SH3TC2: variants seen among roughly 807,000 people sequenced by gnomAD.
SH3TC2 encodes the protein SH3 domain and tetratricopeptide repeat-containing protein 2.
A neutral mutation model predicts 124.5 loss-of-function variants in SH3TC2; 87 were observed. That is an observed-to-expected ratio of 0.70 (90% confidence interval 0.59 to 0.84). The LOEUF is 0.84. Among genes scored for constraint, SH3TC2 ranks in the 40% least tolerant of loss-of-function variants. SH3TC2 has a pLI of 0.00. For missense variants in SH3TC2, 1,536 were observed against 1,566.4 expected (o/e 0.98, Z 0.33); for synonymous variants, 634 against 628.5 (o/e 1.01, Z -0.13).
At position 148,989,476 on chromosome 5, in the gene SH3TC2, T is replaced by A. The variant is rs145210501; in HGVS notation, c.*15235A>T. On this transcript the variant is annotated 3_prime_UTR_variant, in exon 17 of 17. Transcript: ENST00000515425. ...AATTCATTCACATCCAGAAATCACA[T>A]TGTAGTTGTTGAATCCTTTGGCAGG... Among the ~76,000 whole-genome samples, 3 of 152,178 alleles carry A rather than the reference T, an allele frequency of 2.0e-5. No homozygotes were observed. Among genetic ancestry groups the A allele is most frequent in the Non-Finnish European group, 4.4e-5 (3 of 68,036 alleles).
rs929054900 is a variant in SH3TC2 at position 148,986,850 on chromosome 5, G to C, written c.*17861C>G. Among the ~76,000 whole-genome samples, 1 of 152,118 alleles carries C rather than the reference G, an allele frequency of 6.6e-6. No homozygotes were observed. The highest frequency in any genetic ancestry group is 1.5e-5 in the Non-Finnish European group (1 of 68,026). ...GGACACGTTGTATAAACAGCATCAA[G>C]TGTTAACTTGTTAAAACAGTTACAC... On this transcript the variant is annotated 3_prime_UTR_variant, in exon 17 of 17. Transcript: ENST00000515425.
Position 149,041,417 on chromosome 5 carries a change from G to A in SH3TC2, c.730C>T (p.Gln244Ter), listed in dbSNP as rs1463786931. ...ALEPLPLPFH[Q>*]WFLKNYPGSC... ...CCCAGGAGGCAGATGGCTACTCACT[G>A]GTGGAAAGGGAGAGGCAGAGGCTCC... Residue 244 changes from glutamine to a stop codon, truncating the protein, a stop_gained and splice_region_variant, in exon 6 of 17, where the codon CAG becomes TAG. Coordinates refer to ENST00000515425, the MANE Select transcript of SH3TC2 (RefSeq NM_024577.4). LOFTEE classifies it high-confidence loss of function. 2 of 1,612,444 alleles carry A rather than the reference G, an allele frequency of 1.2e-6. No homozygotes were observed. The highest frequency in any genetic ancestry group is 2.2e-5 in the East Asian group (1 of 44,896).
At chr5:149,043,710 G>C (rs1754410611) in intron 4 of SH3TC2, 1 of 150,490 alleles carries the variant, frequency 6.6e-6, no homozygotes, top group Non-Finnish European at 1.5e-5. Context: ...AGCACAGTTT[G>C]AATAGTGAGG....
intron 8 of SH3TC2, chr5:149,034,520 C>G (rs970169162): frequency 1.1e-4 from 45 of 407,062 alleles, no homozygotes; most frequent in African/African-American, 9.4e-4. Flanking sequence ...CACACCAAGT[C>G]CTGAGCAAAA....
At position 148,985,012 on chromosome 5, in the gene SH3TC2, G is replaced by C. The variant is rs1453572088; in HGVS notation, c.*19699C>G. Among the ~76,000 whole-genome samples the C allele has an allele frequency of 6.6e-6, 1 of 152,006 alleles. No individual in the cohort carries two copies. ...GATTACTCCCATTATTTTTAATCTG[G>C]TTTTCATGGTTCCACCAACCTGGGC... On this transcript the variant is annotated 3_prime_UTR_variant, in exon 17 of 17. Coordinates refer to ENST00000515425, the MANE Select transcript of SH3TC2 (RefSeq NM_024577.4).
chr5:149,026,833 C>T (rs756696165), intron 11 of SH3TC2, 27 bp downstream of exon 11: 29 of 1,614,068 alleles, frequency 1.8e-5, no homozygotes, highest in African/African-American at 2.7e-5. Flanking sequence ...TTCTCTATAG[C>T]TTCCCAGCAG....
At position 148,999,920 on chromosome 5, in the gene SH3TC2, T is replaced by A. The variant is rs1753569202; in HGVS notation, c.*4791A>T. ...TCACTGCACTCAGAGTGACCTGTTC[T>A]CAGAAAACATCACCCCCTGTCCACC... is the stretch of plus-strand genomic sequence containing the variant. On this transcript the variant is annotated 3_prime_UTR_variant, in exon 17 of 17. Coordinates refer to ENST00000515425, the MANE Select transcript of SH3TC2 (RefSeq NM_024577.4). Among the ~76,000 whole-genome samples the A allele has an allele frequency of 6.6e-6, 1 of 152,132 alleles. No homozygotes were observed. The highest frequency in any genetic ancestry group is 1.5e-5 in the Non-Finnish European group (1 of 68,026).
At chr5:149,020,604 G>T (rs1331936823) in intron 12 of SH3TC2, among the ~76,000 whole-genome samples, 1 of 152,110 alleles carries the variant, frequency 6.6e-6, no homozygotes, top group Non-Finnish European at 1.5e-5. Context: ...TAGATTCAAA[G>T]ACACAAATAG....
chr5:149,022,802 T>G (rs1753997120), intron 12 of SH3TC2, among the ~76,000 whole-genome samples: 1 of 152,184 alleles, frequency 6.6e-6, no homozygotes, highest in Non-Finnish European at 1.5e-5. Flanking sequence ...GGACAAATAC[T>G]GTATGATACC....
intron 5 of SH3TC2, among the ~76,000 whole-genome samples, chr5:149,042,343 C>T (rs73263681): frequency 0.021 from 3,132 of 152,274 alleles, 107 homozygotes; most frequent in African/African-American, 0.07. Context: ...AAGGGTTTCT[C>T]GATTTTGGGT....
intron 12 of SH3TC2, among the ~76,000 whole-genome samples, chr5:149,017,428 C>T (rs1391434023): frequency 6.6e-6 from 1 of 152,066 alleles, no homozygotes; most frequent in Non-Finnish European, 1.5e-5. Flanking sequence ...AAGGCATGAT[C>T]CTGCAGATAT....
intron 8 of SH3TC2, among the ~76,000 whole-genome samples, chr5:149,036,633 G>A (rs1328306558): frequency 1.3e-5 from 2 of 152,112 alleles, no homozygotes; most frequent in Non-Finnish European, 2.9e-5. Flanking sequence ...CAGAGGGAAG[G>A]CCTTGGGTTC....
chr5:149,062,294 T>C, intron 1 of SH3TC2: 1 of 526,162 alleles, frequency 1.9e-6, no homozygotes, highest in Non-Finnish European at 3.9e-6. Context: ...TTGATTCTCC[T>C]CTGAAAAAAA....
chr5:149,048,989 C>T (rs1199090750), intron 2 of SH3TC2, among the ~76,000 whole-genome samples: 1 of 152,212 alleles, frequency 6.6e-6, no homozygotes, highest in African/African-American at 2.4e-5. Context: ...CTTGCAGCCT[C>T]AACTTGCCAG....
intron 15 of SH3TC2, chr5:149,007,910 A>T (rs189202014): frequency 1.0e-4 from 16 of 152,778 alleles, no homozygotes; most frequent in African/African-American, 2.9e-4. Flanking sequence ...GGAAGTACTT[A>T]TATAAAGGAT....
intron 8 of SH3TC2, among the ~76,000 whole-genome samples, chr5:149,033,529 TG>T (rs1301495500): frequency 1.3e-5 from 2 of 152,332 alleles, no homozygotes; most frequent in Non-Finnish European, 1.5e-5. Flanking sequence ...TGGTTTCAGC[TG>T]GGACTCTGGC....
chr5:149,027,262 A>G lies in SH3TC2; in HGVS notation c.2470T>C (p.Cys824Arg), dbSNP rs1554121601. The G allele has an allele frequency of 1.2e-6, 2 of 1,614,052 alleles. No individual in the cohort carries two copies. The highest frequency in any genetic ancestry group is 1.7e-6 in the Non-Finnish European group (2 of 1,180,046). Residue 824 changes from cysteine to arginine, a missense_variant, in exon 11 of 17, where the codon TGC becomes CGC. By Grantham distance (180) the Cys-to-Arg change is radical (BLOSUM62 -3). Around this residue, in one of 3 missense-constraint regions of SH3TC2, gnomAD observed 1,102 missense variants for 1,098.6 expected, o/e 1.00. Transcript: ENST00000515425. The part of the protein sequence containing the change: ...KALDVLEPLL[C>R]SLKETESLTQ... ...AGACTCTCTGTCTCCTTCAGGGAGCATAGCAGTGGCTCAAGCACATCCAAA... is the reference window on the plus strand; with the variant it reads ...AGACTCTCTGTCTCCTTCAGGGAGCGTAGCAGTGGCTCAAGCACATCCAAA...
At chr5:149,018,926 A>G (rs1433163680) in intron 12 of SH3TC2, among the ~76,000 whole-genome samples, 1 of 152,084 alleles carries the variant, frequency 6.6e-6, no homozygotes, top group Non-Finnish European at 1.5e-5. Flanking sequence ...TGCTGAAAGC[A>G]TTGTCTCCTT....
In SH3TC2 at chr5:149,027,287, AG is replaced by A; in HGVS notation, c.2444del (p.Ala815ValfsTer12). ...ATAGCAGTGGCTCAAGCACATCCAA[AG>A]CCTTCTTGGCCTGGCTGGCTAAGAG... is the stretch of plus-strand genomic sequence containing the variant. ...AYLLASQAKKALDVLEPLLCS... is the reference protein window; with the variant it reads ...AYLLASQAKKXLDVLEPLLCS... On this transcript the variant is annotated frameshift_variant, in exon 11 of 17. Transcript: ENST00000515425. LOFTEE classifies it high-confidence loss of function. The A allele has an allele frequency of 6.2e-7, 1 of 1,614,126 alleles. No individual in the cohort carries two copies. The highest frequency in any genetic ancestry group is 1.1e-5 in the South Asian group (1 of 91,090).
Sources: allele counts gnomAD v4.1 joint callset (sites outside exome capture counted in the v4.1 genomes callset), GRCh38; gene constraint gnomAD v4.1.1; regional missense constraint gnomAD v4.1.1; transcripts MANE v1.5; gene names NCBI Gene and HGNC (gene_info 2026-07-23, HGNC 2026-07-21).